The following ZNF536 variants were observed in gnomAD, a reference collection of about 807,000 sequenced individuals.
The protein encoded by ZNF536 is zinc finger protein 536.
A neutral mutation model predicts 84.5 loss-of-function variants in ZNF536; 13 were observed. That is an observed-to-expected ratio of 0.15 (90% CI 0.10 to 0.24). The LOEUF (loss-of-function observed/expected upper bound fraction) is 0.24, where lower values mean the gene tolerates loss of function less well. Among genes scored for constraint, ZNF536 ranks in the 10% least tolerant of loss-of-function variants. ZNF536 has a pLI of 1.00. For synonymous variants in ZNF536, 811 were observed against 742.5 expected, an observed-to-expected ratio of 1.09 and a Z score of -1.50; for missense variants, 1,536 against 1,747.5, an observed-to-expected ratio of 0.88 and a Z score of 2.16.
chr19:30,343,349 G>A (rs1006288058), intron 2 of ZNF536, among the ~76,000 whole-genome samples: 2 of 152,100 alleles, frequency 1.3e-5, no homozygotes, highest in African/African-American at 4.8e-5. Context: ...GTGTATATTT[G>A]TCCAAAAGCC....
intron 1 of ZNF536, among the ~76,000 whole-genome samples, chr19:30,585,606 G>A (rs1039226598): frequency 6.6e-6 from 1 of 152,176 alleles, no homozygotes; most frequent in East Asian, 1.9e-4. Flanking sequence ...GGATGCCACT[G>A]CTTGGGGTTA....
chr19:30,676,385 C>T (rs1301371833), intron 1 of ZNF536, among the ~76,000 whole-genome samples: 2 of 152,192 alleles, frequency 1.3e-5, no homozygotes, highest in Non-Finnish European at 2.9e-5. Flanking sequence ...AGCCCCTTGT[C>T]AACATTGTAG....
intron 1 of ZNF536, among the ~76,000 whole-genome samples, chr19:30,585,895 T>C (rs2047078122): frequency 6.6e-6 from 1 of 152,240 alleles, no homozygotes; most frequent in East Asian, 1.9e-4. Flanking sequence ...CATAACTTGA[T>C]GTCTGAAATA....
At chr19:30,519,159 G>A (rs899964460) in intron 2 of ZNF536, among the ~76,000 whole-genome samples, 2 of 152,242 alleles carry the variant, frequency 1.3e-5, no homozygotes, top group African/African-American at 4.8e-5. Context: ...CACCTGCGCA[G>A]CCTATCGCGT....
downstream of ZNF536, among the ~76,000 whole-genome samples, chr19:30,559,491 G>A (rs1367029915): frequency 6.6e-6 from 1 of 152,198 alleles, no homozygotes; most frequent in Non-Finnish European, 1.5e-5. Context: ...CACATCGAGG[G>A]AAAAATTCCT....
At chr19:30,278,607 G>T (rs1186477340) in intron 1 of ZNF536, among the ~76,000 whole-genome samples, 1 of 152,070 alleles carries the variant, frequency 6.6e-6, no homozygotes, top group African/African-American at 2.4e-5. Flanking sequence ...TTGGGAGCTG[G>T]TTCCCTGTGC....
At chr19:30,271,710 C>A (rs2025864622) in intron 1 of ZNF536, among the ~76,000 whole-genome samples, 1 of 152,138 alleles carries the variant, frequency 6.6e-6, no homozygotes, top group Non-Finnish European at 1.5e-5. Context: ...ATCCAGGTTT[C>A]TGTCTTGGAG....
chr19:30,572,223 A>G (rs1396550377), intron 1 of ZNF536, among the ~76,000 whole-genome samples: 1 of 152,198 alleles, frequency 6.6e-6, no homozygotes, highest in Non-Finnish European at 1.5e-5. Context: ...AACTCTCCCT[A>G]CTGCTTCCTG....
chr19:30,324,707 T>C (rs749482132), intron 2 of ZNF536, among the ~76,000 whole-genome samples: 3 of 152,352 alleles, frequency 2.0e-5, no homozygotes, highest in Non-Finnish European at 4.4e-5. Flanking sequence ...TGTGTTCTAA[T>C]GAGAGATTCA....
intron 2 of ZNF536, among the ~76,000 whole-genome samples, chr19:30,318,443 A>G (rs1234553935): frequency 3.3e-5 from 5 of 152,244 alleles, no homozygotes; most frequent in Admixed American, 1.3e-4. Context: ...TTGCAATGGA[A>G]TTAGAGTAGT....
chr19:30,443,360 A>G (rs184023209), intron 1 of ZNF536, among the ~76,000 whole-genome samples: 123 of 152,400 alleles, frequency 8.1e-4, no homozygotes, highest in African/African-American at 2.9e-3. Context: ...ATCTGTCGCC[A>G]AAACAAATTG....
intron 1 of ZNF536, among the ~76,000 whole-genome samples, chr19:30,631,271 C>A (rs767141826): frequency 6.6e-6 from 1 of 152,196 alleles, no homozygotes; most frequent in Non-Finnish European, 1.5e-5. Context: ...CACCCACACT[C>A]GCTTTTGTTA....
At chr19:30,476,532 G>C (rs141785826) in intron 2 of ZNF536, among the ~76,000 whole-genome samples, 1 of 152,340 alleles carries the variant, frequency 6.6e-6, no homozygotes, top group South Asian at 2.1e-4. Context: ...ATGTCAAACT[G>C]TTCAACATTG....
At chr19:30,691,257 C>G (rs1358644940) in intron 1 of ZNF536, among the ~76,000 whole-genome samples, 1 of 152,136 alleles carries the variant, frequency 6.6e-6, no homozygotes, top group Non-Finnish European at 1.5e-5. Flanking sequence ...GGCCCACCCC[C>G]CACATGCACA....
At chr19:30,603,308 T>C (rs1050474951) in intron 1 of ZNF536, among the ~76,000 whole-genome samples, 1 of 152,150 alleles carries the variant, frequency 6.6e-6, no homozygotes, top group African/African-American at 2.4e-5. Flanking sequence ...GATGGATGGA[T>C]GGATGGATGG....
At chr19:30,397,209 T>C (rs2049860379) in intron 1 of ZNF536, among the ~76,000 whole-genome samples, 1 of 152,222 alleles carries the variant, frequency 6.6e-6, no homozygotes, top group Admixed American at 6.5e-5. Context: ...ACAGATGGTG[T>C]TCAATGTCTA....
intron 1 of ZNF536, among the ~76,000 whole-genome samples, chr19:30,605,827 T>G (rs2047849963): frequency 6.6e-6 from 1 of 152,202 alleles, no homozygotes; most frequent in Non-Finnish European, 1.5e-5. Flanking sequence ...ACAGTCCATG[T>G]ACTTCCATCA....
At chr19:30,615,442 A>C (rs1288857977) in intron 1 of ZNF536, among the ~76,000 whole-genome samples, 1 of 152,016 alleles carries the variant, frequency 6.6e-6, no homozygotes, top group Non-Finnish European at 1.5e-5. Context: ...TTCTCATGTG[A>C]GTTTACCCTA....
chr19:30,264,185 C>G (rs1334619895), intron 1 of ZNF536, among the ~76,000 whole-genome samples: 2 of 152,160 alleles, frequency 1.3e-5, no homozygotes, highest in African/African-American at 4.8e-5. Context: ...TGCTAATCAG[C>G]CCGGAGAGGC....
Sources: allele counts gnomAD v4.1 joint callset (sites outside exome capture counted in the v4.1 genomes callset), GRCh38; gene constraint gnomAD v4.1.1; transcripts MANE v1.5; gene names NCBI Gene and HGNC (gene_info 2026-07-23, HGNC 2026-07-21).